MCTP1: variants seen among roughly 807,000 people sequenced by gnomAD.
MCTP1 encodes multiple C2 and transmembrane domain-containing protein 1.
A neutral mutation model predicts 120.6 loss-of-function variants in MCTP1; 69 were observed. That is an observed-to-expected ratio of 0.57 (90% CI 0.47 to 0.70). The LOEUF is 0.70. Among genes scored for constraint, MCTP1 ranks in the 30% least tolerant of loss-of-function variants. MCTP1 has a pLI of 0.00. For missense variants in MCTP1, 1,203 were observed against 1,248.8 expected, an observed-to-expected ratio of 0.96 and a Z score of 0.55; for synonymous variants, 529 against 493.1, an observed-to-expected ratio of 1.07 and a Z score of -0.96.
Position 94,875,945 on chromosome 5 carries a change from A to T in MCTP1, c.1934-2704T>A, listed in dbSNP as rs568379585. ...ATGGATGCTAACATCAGGTCTTTCC[A>T]CACTATGTTATGTTTGACTTATTTA... On this transcript the variant is annotated intron_variant, in intron 12 of 22. Transcript: ENST00000515393. Among the ~76,000 whole-genome samples, 207 of 152,238 alleles carry T rather than the reference A, an allele frequency of 1.4e-3. 1 individual carries two copies. The highest frequency in any genetic ancestry group is 0.013 in the Admixed American group (195 of 15,272).
At chr5:94,820,655 C>G (rs1426985324) in intron 17 of MCTP1, among the ~76,000 whole-genome samples, 1 of 152,200 alleles carries the variant, frequency 6.6e-6, no homozygotes, top group African/African-American at 2.4e-5. Context: ...AAAGCATGGT[C>G]TGTCCCTAAT....
rs766694160 is a variant in MCTP1 at position 95,017,356 on chromosome 5, T to C, written c.838+11A>G. The C allele has an allele frequency of 1.3e-6, 2 of 1,562,758 alleles. No homozygotes were observed. Among genetic ancestry groups the C allele is most frequent in the Non-Finnish European group, 1.8e-6 (2 of 1,140,418 alleles). ...AAAAGCTTCTAGGTGATATTGCTCT[T>C]ATGCTCTTACCTCCTCGATCTCGAG... is the stretch of plus-strand genomic sequence containing the variant. On this transcript the variant is annotated intron_variant, in intron 2 of 22. Transcript: ENST00000515393.
chr5:94,917,990 G>A lies in MCTP1; in HGVS notation c.1273-17C>T, dbSNP rs776569264. The stretch of plus-strand genomic sequence containing the variant: ...GCCGCACGTCTGGATGGAAATGAAT[G>A]ATCAGAGCTGTACGGGGAAGCTTTG... On this transcript the variant is annotated splice_polypyrimidine_tract_variant and intron_variant, in intron 7 of 22. Transcript: ENST00000515393. 6.2e-7 allele frequency: 1 copy of A among 1,606,178 alleles called. No homozygotes were observed. Among genetic ancestry groups the A allele is most frequent in the Non-Finnish European group, 8.5e-7 (1 of 1,172,852 alleles).
intron 1 of MCTP1, among the ~76,000 whole-genome samples, chr5:95,245,966 A>T (rs1448157173): frequency 6.6e-6 from 1 of 152,206 alleles, no homozygotes. Flanking sequence ...AGCCCATCAG[A>T]CTAACAGCGG....
intron 19 of MCTP1, among the ~76,000 whole-genome samples, chr5:94,720,602 A>G (rs898578475): frequency 2.0e-5 from 3 of 152,094 alleles, no homozygotes; most frequent in African/African-American, 4.8e-5. Flanking sequence ...TATGTTGGGG[A>G]AAAAAAGGAT....
intron 10 of MCTP1, among the ~76,000 whole-genome samples, chr5:94,898,677 G>T (rs1804723023): frequency 6.6e-6 from 1 of 152,104 alleles, no homozygotes. Context: ...GTTTTATATT[G>T]TTACCAAGAT....
chr5:95,095,006 A>ATTTT lies in MCTP1; in HGVS notation c.721-77526_721-77523dup, dbSNP rs756132693. On this transcript the variant is annotated intron_variant, in intron 1 of 22. Transcript: ENST00000515393. ...TTTTTTCTTTTATTTGTTATGTTAG[A>ATTTT]TTTTTTTTTTTTTTTTTTTTTTTTT... is the stretch of plus-strand genomic sequence containing the variant. Among the ~76,000 whole-genome samples, 44 of 36,968 alleles carry ATTTT rather than the reference A, an allele frequency of 1.2e-3. 9 individuals are homozygous for ATTTT. The highest frequency in any genetic ancestry group is 3.9e-3 in the African/African-American group (31 of 8,046). 24.3% of individuals were successfully genotyped at this position (36,968 alleles called of 152,430 possible).
chr5:94,947,577 T>TATATATAG, intron 3 of MCTP1, among the ~76,000 whole-genome samples: 25 of 47,394 alleles, frequency 5.3e-4, no homozygotes, highest in African/African-American at 8.3e-4. Context: ...TATATATATA[T>TATATATAG]AGAGAGAGAG....
chr5:95,254,800 C>T (rs1269603411), intron 1 of MCTP1, among the ~76,000 whole-genome samples: 1 of 152,164 alleles, frequency 6.6e-6, no homozygotes. Flanking sequence ...CACTTCCACT[C>T]ACCAGTTCTG....
At chr5:95,275,964 A>G (rs1450557577) in intron 1 of MCTP1, among the ~76,000 whole-genome samples, 1 of 152,164 alleles carries the variant, frequency 6.6e-6, no homozygotes. Flanking sequence ...ATAGGAGGGA[A>G]AGGGACAAGG....
At chr5:94,785,891 T>G (rs1777568624) in intron 18 of MCTP1, among the ~76,000 whole-genome samples, 1 of 152,102 alleles carries the variant, frequency 6.6e-6, no homozygotes, top group Non-Finnish European at 1.5e-5. Flanking sequence ...CATCAATAAT[T>G]TTGGGAGCTG....
chr5:95,200,757 C>T (rs1301496742), intron 1 of MCTP1, among the ~76,000 whole-genome samples: 2 of 152,150 alleles, frequency 1.3e-5, no homozygotes, highest in East Asian at 3.8e-4. Context: ...CAGTTAATAA[C>T]AATGTATTGT....
chr5:95,032,542 A>T (rs1329706077), intron 1 of MCTP1, among the ~76,000 whole-genome samples: 1 of 151,990 alleles, frequency 6.6e-6, no homozygotes, highest in East Asian at 1.9e-4. Context: ...TGACACAAAT[A>T]AAAATAGAGA....
chr5:94,872,463 T>C (rs1449241522), intron 13 of MCTP1, among the ~76,000 whole-genome samples: 1 of 151,788 alleles, frequency 6.6e-6, no homozygotes, highest in South Asian at 2.1e-4. Flanking sequence ...GTTTTTCATA[T>C]ACAAAAAAAT....
chr5:94,707,080 T>G lies in MCTP1; in HGVS notation c.*416A>C, dbSNP rs1170503316. ...ATAAAACATAGAAAAGTGTAATGGA[T>G]TACTTTTCAGATAAAAAATAGTCGC... On this transcript the variant is annotated 3_prime_UTR_variant, in exon 23 of 23. Coordinates refer to ENST00000515393, the MANE Select transcript of MCTP1 (RefSeq NM_024717.7). 1 of 153,462 alleles carries G rather than the reference T, an allele frequency of 6.5e-6. No individual in the cohort carries two copies. The highest frequency in any genetic ancestry group is 1.4e-5 in the Non-Finnish European group (1 of 69,108). 9.5% of individuals were successfully genotyped at this position (153,462 alleles called of 1,614,324 possible). A position where few individuals can be genotyped will look rare whatever the true frequency, so the allele number is the denominator to read the frequency against.
intron 2 of MCTP1, among the ~76,000 whole-genome samples, chr5:94,983,492 A>G (rs551943706): frequency 1.3e-5 from 2 of 152,288 alleles, no homozygotes; most frequent in South Asian, 4.1e-4. Context: ...CTAAGCTGCC[A>G]TAACAAAGAG....
chr5:94,835,435 G>A lies in MCTP1; in HGVS notation c.2436+32898C>T, dbSNP rs75022016. ...AGTGAGAAATATAACAGAAAGGAAT[G>A]AGTTACAATAGCCAGGGTGTGATAT... On this transcript the variant is annotated intron_variant, in intron 17 of 22. Transcript: ENST00000515393. 1.5e-3 allele frequency among the ~76,000 whole-genome samples: 235 copies of A among 152,318 alleles called. 4 individuals carry two copies. The East Asian group carries it at 0.038, about 25-fold the overall frequency.
chr5:94,940,665 A>G (rs139177540), intron 4 of MCTP1, among the ~76,000 whole-genome samples: 29 of 146,956 alleles, frequency 2.0e-4, no homozygotes, highest in African/African-American at 7.1e-4. Flanking sequence ...CTAAATACAC[A>G]TATGGGGTTA....
chr5:95,024,277 A>G (rs1838777316), intron 1 of MCTP1, among the ~76,000 whole-genome samples: 1 of 152,060 alleles, frequency 6.6e-6, no homozygotes, highest in South Asian at 2.1e-4. Flanking sequence ...ATTTTTGTAT[A>G]AAGAGTGAGA....
Sources: allele counts gnomAD v4.1 joint callset (sites outside exome capture counted in the v4.1 genomes callset), GRCh38; gene constraint gnomAD v4.1.1; transcripts MANE v1.5; gene names NCBI Gene and HGNC (gene_info 2026-07-23, HGNC 2026-07-21).